SDE2: variants seen among roughly 807,000 people sequenced by gnomAD.
SDE2 encodes spliceosome associated SDE2, also known as splicing regulator SDE2.
SDE2 carries 31 observed loss-of-function variants against 46.9 expected under a neutral mutation model. The ratio of observed to expected loss-of-function variants is 0.66; its 90% confidence interval spans 0.50 to 0.89. SDE2 has a LOEUF of 0.89. Among genes scored for constraint, SDE2 ranks in the 40% least tolerant of loss-of-function variants. The pLI is 0.00. For synonymous variants in SDE2, 205 were observed against 204.3 expected, an observed-to-expected ratio of 1.00 and a Z score of -0.03; for missense variants, 542 against 564.4, an observed-to-expected ratio of 0.96 and a Z score of 0.40.
In SDE2 at chr1:225,988,196, T is replaced by G. The variant is rs1322189028; in HGVS notation, c.834A>C (p.Ser278=). 2 of 1,614,176 alleles carry G rather than the reference T, an allele frequency of 1.2e-6. No individual in the cohort carries two copies. The highest frequency in any genetic ancestry group is 3.3e-5 in the Admixed American group (2 of 60,020). Residue 278 remains serine (S), a synonymous_variant, in exon 6 of 7, where the codon TCA becomes TCC. Transcript: ENST00000272091. ...RARVVNTDHG[S]PEQLQIPVTD... ...TCACCGGGATCTGCAGTTGTTCTGGTGATCCATGGTCTGTATTCACTACTC... is the reference window on the plus strand; with the variant it reads ...TCACCGGGATCTGCAGTTGTTCTGGGGATCCATGGTCTGTATTCACTACTC...
intron 2 of SDE2, 92 bp downstream of exon 2, chr1:225,995,174 T>C: frequency 2.8e-6 from 2 of 707,992 alleles, no homozygotes; most frequent in Non-Finnish European, 5.0e-6. Flanking sequence ...ATACCATGGC[T>C]AAAGACAGCA....
chr1:225,994,225 T>C (rs1296568638), intron 2 of SDE2, among the ~76,000 whole-genome samples: 1 of 152,090 alleles, frequency 6.6e-6, no homozygotes, highest in Non-Finnish European at 1.5e-5. Context: ...TACAGGCTCC[T>C]AACACCACAC....
chr1:225,988,618 A>T (rs1656324139), intron 5 of SDE2, among the ~76,000 whole-genome samples: 1 of 152,112 alleles, frequency 6.6e-6, no homozygotes, highest in Admixed American at 6.6e-5. Context: ...AGTCCCAGCT[A>T]CTCAGGAGGC....
At position 225,985,077 on chromosome 1, in the gene SDE2, CTA is replaced by C. The variant is rs1197726372; in HGVS notation, c.*223_*224del. ...ATCAAACCAAAAAATGTGAATAGCC[CTA>C]TATTTATTAAATACACTATAGAAAA... On this transcript the variant is annotated 3_prime_UTR_variant, in exon 7 of 7. Coordinates refer to ENST00000272091, the MANE Select transcript of SDE2 (RefSeq NM_152608.4). 1.3e-5 allele frequency: 7 copies of C among 541,252 alleles called. No homozygotes were observed. Among genetic ancestry groups the C allele is most frequent in the Non-Finnish European group, 2.3e-5 (7 of 304,990 alleles). The allele number at this position is 541,252 out of a possible 1,614,324, so 33.5% of individuals were successfully genotyped here. A position where few individuals can be genotyped will look rare whatever the true frequency, so the allele number is the denominator to read the frequency against.
intron 1 of SDE2, among the ~76,000 whole-genome samples, chr1:225,998,657 G>A (rs1297318497): frequency 6.6e-6 from 1 of 152,204 alleles, no homozygotes; most frequent in Non-Finnish European, 1.5e-5. Context: ...CTACGTAACA[G>A]GCCCTAAGAA....
At position 225,988,337 on chromosome 1, in the gene SDE2, T is replaced by G. The variant is rs1558083608; in HGVS notation, c.693A>C (p.Ser231=). The G allele has an allele frequency of 6.2e-7, 1 of 1,614,044 alleles. No homozygotes were observed. Among genetic ancestry groups the G allele is most frequent in the African/African-American group, 1.3e-5 (1 of 74,932 alleles). ...ETAEGSNSES[S]DDDSEEAPST... ...TTGGTGCTTCTTCACTGTCATCATC[T>G]GAACTCTCAGAGTTGGACCCTTCTG... The change falls in exon 6 of 7, where the codon TCA becomes TCC. Residue 231 remains serine, a synonymous_variant. Coordinates refer to ENST00000272091, the MANE Select transcript of SDE2 (RefSeq NM_152608.4).
chr1:225,999,108 C>T, intron 1 of SDE2, 85 bp downstream of exon 1: 2 of 1,094,662 alleles, frequency 1.8e-6, no homozygotes, highest in Admixed American at 2.0e-5. Flanking sequence ...ATAAACGTAC[C>T]CCCGCCCCGG....
intron 5 of SDE2, among the ~76,000 whole-genome samples, chr1:225,989,435 C>T (rs1255971315): frequency 3.3e-5 from 5 of 151,258 alleles, no homozygotes; most frequent in Non-Finnish European, 7.4e-5. Flanking sequence ...TCAAGACTAG[C>T]CTGGCCAACA....
chr1:225,985,107 A>C lies in SDE2; in HGVS notation c.*195T>G. On this transcript the variant is annotated 3_prime_UTR_variant, in exon 7 of 7. Transcript: ENST00000272091. Reference sequence around the variant, plus strand: ...TTTATTAAATACACTATAGAAAACCAGACAAAGAAAATTTAAGGCCCAGAT... The same window carrying C: ...TTTATTAAATACACTATAGAAAACCCGACAAAGAAAATTTAAGGCCCAGAT... 3.4e-6 allele frequency: 2 copies of C among 591,240 alleles called. No individual in the cohort carries two copies. Among genetic ancestry groups the C allele is most frequent in the Admixed American group, 3.0e-5 (1 of 32,908 alleles). The allele number at this position is 591,240 out of a possible 1,614,324, so 36.6% of individuals were successfully genotyped here.
At position 225,985,342 on chromosome 1, in the gene SDE2, G is replaced by A. The variant is rs74756813; in HGVS notation, c.1316C>T (p.Pro439Leu). Reference sequence around the variant, plus strand: ...TTTCAAAGGCTTGGCAAATAAAGCCGGGTCAATTTGCTCCTTTGCCAGTCC... The same window carrying A: ...TTTCAAAGGCTTGGCAAATAAAGCCAGGTCAATTTGCTCCTTTGCCAGTCC... Reference protein sequence around the residue: ...VRGLAKEQIDPALFAKPLKGK... With the variant: ...VRGLAKEQIDLALFAKPLKGK... The change falls in exon 7 of 7, where the codon CCG (proline) becomes CTG (leucine). Residue 439 changes from proline to leucine, a missense_variant. By Grantham distance (98) the Pro-to-Leu change is moderately conservative. Coordinates refer to ENST00000272091, the MANE Select transcript of SDE2 (RefSeq NM_152608.4). 143 of 1,614,164 alleles carry A rather than the reference G, an allele frequency of 8.9e-5. 1 individual carries two copies. In the East Asian group the frequency reaches 2.8e-3, roughly 31 times the overall value.
At position 225,988,376 on chromosome 1, in the gene SDE2, C is replaced by T. The variant is rs757840286; in HGVS notation, c.654G>A (p.Glu218=). The change falls in exon 6 of 7, where the codon GAG becomes GAA. Residue 218 remains glutamate, a synonymous_variant. Transcript: ENST00000272091. The part of the protein sequence containing the change: ...GKRRCFWLGM[E]GLETAEGSNS... Reference sequence around the variant, plus strand: ...TGGACCCTTCTGCAGTCTCTAGTCCCTCCATGCCCAACCTGTCAGAAGCAA... The same window carrying T: ...TGGACCCTTCTGCAGTCTCTAGTCCTTCCATGCCCAACCTGTCAGAAGCAA... 2.2e-5 allele frequency: 36 copies of T among 1,613,866 alleles called. No homozygotes were observed. Among genetic ancestry groups the T allele is most frequent in the Non-Finnish European group, 3.1e-5 (36 of 1,179,752 alleles).
chr1:225,991,306 C>T lies in SDE2; in HGVS notation c.578G>A (p.Arg193Gln), dbSNP rs1203818554. ...VSAEISENRK[R>Q]QWPTKSQTDR... The stretch of plus-strand genomic sequence containing the variant: ...TGTTTGAGATTTAGTAGGCCATTGC[C>T]GTTTCCGATTCTCACTGATTTCTGC... The change falls in exon 5 of 7, where the codon CGG (arginine) becomes CAG (glutamine). Residue 193 changes from arginine to glutamine, a missense_variant. By Grantham distance (43) the Arg-to-Gln change is conservative. Around this residue, in one of 3 missense-constraint regions of SDE2, gnomAD observed 401 missense variants for 437.8 expected, o/e 0.92. Transcript: ENST00000272091. 2.5e-6 allele frequency: 4 copies of T among 1,613,786 alleles called. No homozygotes were observed. The highest frequency in any genetic ancestry group is 1.1e-5 in the South Asian group (1 of 91,076).
chr1:225,989,680 T>C (rs1233717318), intron 5 of SDE2, among the ~76,000 whole-genome samples: 3 of 150,252 alleles, frequency 2.0e-5, no homozygotes, highest in African/African-American at 4.9e-5. Context: ...CTTGATTTGA[T>C]TGGTGAAAAA....
chr1:225,993,391 C>G (rs773552359), intron 2 of SDE2, among the ~76,000 whole-genome samples: 4 of 152,122 alleles, frequency 2.6e-5, no homozygotes, highest in Non-Finnish European at 4.4e-5. Flanking sequence ...GCGGGCAGAT[C>G]ATGAGGTCAG....
At chr1:225,999,059 T>G in intron 1 of SDE2, 134 bp downstream of exon 1, 3 of 698,096 alleles carry the variant, frequency 4.3e-6, no homozygotes, top group African/African-American at 1.8e-5. Flanking sequence ...ACCTTAACAC[T>G]GAGGAACTCT....
chr1:225,994,977 A>G (rs1408442997), intron 2 of SDE2, among the ~76,000 whole-genome samples: 1 of 152,174 alleles, frequency 6.6e-6, no homozygotes, highest in African/African-American at 2.4e-5. Flanking sequence ...TCAGGAGGTC[A>G]AAGCTGCAGT....
intron 2 of SDE2, 109 bp from the exon 3 acceptor site, chr1:225,993,111 CTTTCTTT>C (rs908928635): frequency 4.2e-5 from 13 of 311,504 alleles, no homozygotes; most frequent in African/African-American, 1.2e-4. Flanking sequence ...TCTCTACTTT[CTTTCTTT>C]TTTTTTTTTT....
Position 225,992,503 on chromosome 1 carries a change from G to A in SDE2, c.415C>T (p.Arg139Ter), listed in dbSNP as rs771250921. 2.5e-6 allele frequency: 4 copies of A among 1,612,230 alleles called. No homozygotes were observed. The highest frequency in any genetic ancestry group is 3.4e-6 in the Non-Finnish European group (4 of 1,179,262). Residue 139 changes from arginine (R) to a stop codon, truncating the protein, a stop_gained, in exon 4 of 7, where the codon CGA (arginine) becomes TGA (stop). Transcript: ENST00000272091. LOFTEE classifies it high-confidence loss of function. ...GGTTCTACAAGCTTCCGCTGCAGTC[G>A]CTCCAGCCGCTTCTGCTCCTTTTCA... The part of the protein sequence containing the change: ...EAEKEQKRLE[R>*]LQRKLVEPKH...
At chr1:225,991,400 G>A (rs888573453) in intron 4 of SDE2, 37 bp from the exon 5 acceptor site, 5 of 1,562,992 alleles carry the variant, frequency 3.2e-6, no homozygotes, top group Non-Finnish European at 4.4e-6. Flanking sequence ...TTCTACTATA[G>A]GGACTAAGTT....
Sources: gnomAD v4.1 joint callset for allele counts (sites outside exome capture counted in the v4.1 genomes callset) on GRCh38, gnomAD v4.1.1 for gene constraint, gnomAD v4.1.1 regional missense constraint, MANE v1.5 for transcripts, NCBI Gene and HGNC (gene_info 2026-07-23, HGNC 2026-07-21) for gene names.